KCNMB4: variants seen among roughly 807,000 people sequenced by gnomAD.
The protein encoded by KCNMB4 is potassium calcium-activated channel subfamily M regulatory beta subunit 4.
In KCNMB4, 3 loss-of-function variants were observed where a neutral mutation model predicts 20.7. That is an observed-to-expected ratio of 0.14 (90% CI 0.07 to 0.37). The LOEUF is 0.37. Among genes scored for constraint, KCNMB4 ranks in the 10% least tolerant of loss-of-function variants. The pLI is 1.00. For missense variants in KCNMB4, 168 were observed against 265.9 expected (o/e 0.63, Z 2.56); for synonymous variants, 110 against 113.4 (o/e 0.97, Z 0.19).
In KCNMB4 at chr12:70,366,297, C is replaced by G. The variant is rs1358336844; in HGVS notation, c.-438C>G. ...CCGGGCTCGCCCCAGCTCAGACACT[C>G]CTAGCCTTGGGGCAGCTGCCGGGCG... is the stretch of plus-strand genomic sequence containing the variant. On this transcript the variant is annotated 5_prime_UTR_variant, in exon 1 of 3. Transcript: ENST00000258111. The G allele has an allele frequency of 6.8e-6, 1 of 147,926 alleles. No individual in the cohort carries two copies. The highest frequency in any genetic ancestry group is 2.1e-4 in the East Asian group (1 of 4,680). The allele number at this position is 147,926 out of a possible 1,614,324, so 9.2% of individuals were successfully genotyped here.
chr12:70,369,358 A>C (rs1221430404), intron 1 of KCNMB4, among the ~76,000 whole-genome samples: 3 of 152,248 alleles, frequency 2.0e-5, no homozygotes, highest in African/African-American at 7.2e-5. Context: ...AGTCATGTAC[A>C]TAAGCAGAGT....
rs367911355 is a variant in KCNMB4 at position 70,408,779 on chromosome 12, C to CT, written c.464+8449dup. On this transcript the variant is annotated intron_variant, in intron 2 of 2. Coordinates refer to ENST00000258111, the MANE Select transcript of KCNMB4 (RefSeq NM_014505.6). ...AAAATGTGTAGATTTTGTTTTTACA[C>CT]TTTTTTATTCAGGTAAGTTCACAAT... Among the ~76,000 whole-genome samples the CT allele has an allele frequency of 1.7e-3, 262 of 152,204 alleles. 2 individuals carry two copies. The highest frequency in any genetic ancestry group is 5.8e-3 in the African/African-American group (239 of 41,528).
chr12:70,404,658 AT>A (rs1565862138), intron 2 of KCNMB4, among the ~76,000 whole-genome samples: 1 of 152,198 alleles, frequency 6.6e-6, no homozygotes, highest in Non-Finnish European at 1.5e-5. Flanking sequence ...TAGCAGTAAG[AT>A]TTTTTAGTTA....
intron 1 of KCNMB4, among the ~76,000 whole-genome samples, chr12:70,393,270 T>G (rs1482961392): frequency 1.3e-5 from 2 of 152,182 alleles, no homozygotes; most frequent in Non-Finnish European, 2.9e-5. Context: ...TGGCGCGATC[T>G]CGGCTCACTA....
In KCNMB4 at chr12:70,366,593, G is replaced by C; in HGVS notation, c.-142G>C. On this transcript the variant is annotated 5_prime_UTR_variant, in exon 1 of 3. Coordinates refer to ENST00000258111, the MANE Select transcript of KCNMB4 (RefSeq NM_014505.6). ...GGCCTCGGCCCCTTTGTTCTCGCGC[G>C]CTCCCCCTCGCCGCCCACTCCCCTG... The C allele has an allele frequency of 2.4e-6, 1 of 413,798 alleles. No homozygotes were observed. Among genetic ancestry groups the C allele is most frequent in the East Asian group, 6.3e-5 (1 of 15,838 alleles). 25.6% of individuals were successfully genotyped at this position (413,798 alleles called of 1,614,324 possible).
chr12:70,394,568 A>G (rs1171851100), intron 1 of KCNMB4, among the ~76,000 whole-genome samples: 1 of 152,184 alleles, frequency 6.6e-6, no homozygotes, highest in Non-Finnish European at 1.5e-5. Flanking sequence ...TATTTGTTCA[A>G]TTAACCTACA....
chr12:70,418,383 G>A (rs1325553757), intron 2 of KCNMB4, among the ~76,000 whole-genome samples: 3 of 134,114 alleles, frequency 2.2e-5, no homozygotes, highest in African/African-American at 5.6e-5. Flanking sequence ...ACAAAATGTG[G>A]TTGTTAAAGT....
chr12:70,430,640 G>A lies in KCNMB4; in HGVS notation c.620G>A (p.Arg207His), dbSNP rs906603152. The change falls in exon 3 of 3, where the codon CGC (arginine) becomes CAC (histidine). Residue 207 changes from arginine (R) to histidine (H), a missense_variant. Coordinates refer to ENST00000258111, the MANE Select transcript of KCNMB4 (RefSeq NM_014505.6). Reference sequence around the variant, plus strand: ...GTCAAGGCGGAAGCCATGAAGAAGCGCAAGTTCTCTTAAAGGGGAAGGAGG... The same window carrying A: ...GTCAAGGCGGAAGCCATGAAGAAGCACAAGTTCTCTTAAAGGGGAAGGAGG... ...LAVKAEAMKKRKFS is the reference protein window; with the variant it reads ...LAVKAEAMKKHKFS 6.8e-6 allele frequency: 11 copies of A among 1,608,878 alleles called. No individual in the cohort carries two copies. The highest frequency in any genetic ancestry group is 3.4e-5 in the Admixed American group (2 of 58,242).
intron 2 of KCNMB4, among the ~76,000 whole-genome samples, chr12:70,401,611 G>A (rs977878888): frequency 1.3e-5 from 2 of 150,422 alleles, no homozygotes; most frequent in Non-Finnish European, 2.9e-5. Context: ...CACCCTAAAC[G>A]TAGTGGCTTA....
intron 1 of KCNMB4, among the ~76,000 whole-genome samples, chr12:70,394,762 T>A (rs1289418328): frequency 6.6e-6 from 1 of 152,084 alleles, no homozygotes; most frequent in African/African-American, 2.4e-5. Context: ...GACTTCCTGG[T>A]CTCAAGCAGT....
At chr12:70,408,039 G>A (rs1014370096) in intron 2 of KCNMB4, among the ~76,000 whole-genome samples, 11 of 152,144 alleles carry the variant, frequency 7.2e-5, no homozygotes, top group Non-Finnish European at 1.3e-4. Context: ...GTAAATTTAA[G>A]CTCATTATAC....
At chr12:70,393,142 G>C (rs1337494831) in intron 1 of KCNMB4, among the ~76,000 whole-genome samples, 1 of 151,920 alleles carries the variant, frequency 6.6e-6, no homozygotes, top group Non-Finnish European at 1.5e-5. Context: ...TGGTGTGATT[G>C]CTTCTATTTG....
At chr12:70,381,314 A>G (rs1230625136) in intron 1 of KCNMB4, among the ~76,000 whole-genome samples, 3 of 152,256 alleles carry the variant, frequency 2.0e-5, no homozygotes, top group African/African-American at 4.8e-5. Context: ...CCACTTTGGA[A>G]AACAGTTTGA....
chr12:70,369,402 C>T (rs1406601080), intron 1 of KCNMB4, among the ~76,000 whole-genome samples: 1 of 152,180 alleles, frequency 6.6e-6, no homozygotes, highest in Non-Finnish European at 1.5e-5. Context: ...AGGCAATACC[C>T]ATTGTCCATT....
At chr12:70,407,015 G>A (rs2136133223) in intron 2 of KCNMB4, among the ~76,000 whole-genome samples, 1 of 152,232 alleles carries the variant, frequency 6.6e-6, no homozygotes, top group Admixed American at 6.5e-5. Flanking sequence ...GTTTGTTTCT[G>A]GAGTTGGCAT....
At chr12:70,421,626 G>T (rs1869062194) in intron 2 of KCNMB4, among the ~76,000 whole-genome samples, 1 of 151,486 alleles carries the variant, frequency 6.6e-6, no homozygotes, top group African/African-American at 2.4e-5. Flanking sequence ...CTGTCGCCCA[G>T]GCTGGAGTGC....
At chr12:70,392,317 A>G (rs1868306439) in intron 1 of KCNMB4, among the ~76,000 whole-genome samples, 1 of 152,338 alleles carries the variant, frequency 6.6e-6, no homozygotes, top group Middle Eastern at 3.4e-3. Flanking sequence ...TTAAAAAGTC[A>G]GGAAATAACA....
intron 2 of KCNMB4, among the ~76,000 whole-genome samples, chr12:70,407,640 TG>T (rs1412535501): frequency 1.3e-5 from 2 of 151,652 alleles, no homozygotes; most frequent in East Asian, 3.9e-4. Flanking sequence ...GCTAATTTTT[TG>T]TATTTTTAGT....
chr12:70,393,560 C>T lies in KCNMB4; in HGVS notation c.337-6649C>T, dbSNP rs139295910. 5.6e-3 allele frequency among the ~76,000 whole-genome samples: 848 copies of T among 152,144 alleles called. 9 individuals carry two copies. Among genetic ancestry groups the T allele is most frequent in the African/African-American group, 0.019 (777 of 41,502 alleles). Reference sequence around the variant, plus strand: ...CTATTTTGAAGATGGAATGCCATGCCGAACTTTTCAGTCTTAATAATATAA... The same window carrying T: ...CTATTTTGAAGATGGAATGCCATGCTGAACTTTTCAGTCTTAATAATATAA... On this transcript the variant is annotated intron_variant, in intron 1 of 2. Coordinates refer to ENST00000258111, the MANE Select transcript of KCNMB4 (RefSeq NM_014505.6).
Sources: allele counts gnomAD v4.1 joint callset (sites outside exome capture counted in the v4.1 genomes callset), GRCh38; gene constraint gnomAD v4.1.1; transcripts MANE v1.5; gene names NCBI Gene and HGNC (gene_info 2026-07-23, HGNC 2026-07-21).